MDGA2: variants seen among roughly 807,000 people sequenced by gnomAD.
MDGA2 encodes MAM domain containing glycosylphosphatidylinositol anchor 2, also known as MAM domain-containing glycosylphosphatidylinositol anchor protein 2.
MDGA2 carries 40 observed loss-of-function variants against 117.8 expected under a neutral mutation model. The ratio of observed to expected loss-of-function variants is 0.34; its 90% CI spans 0.26 to 0.44. The LOEUF (loss-of-function observed/expected upper bound fraction) is 0.44, where lower values mean the gene tolerates loss of function less well. MDGA2 is among the 20% of genes least tolerant of loss of function. MDGA2 has a pLI of 1.00. For missense variants in MDGA2, 1,123 were observed against 1,250.6 expected (o/e 0.90, Z 1.54); for synonymous variants, 452 against 439.0 (o/e 1.03, Z -0.37).
chr14:46,963,549 C>A (rs1026207751), intron 8 of MDGA2, among the ~76,000 whole-genome samples: 1 of 152,170 alleles, frequency 6.6e-6, no homozygotes, highest in Non-Finnish European at 1.5e-5. Flanking sequence ...CATGACAAGT[C>A]TTTTGTAGAC....
chr14:47,572,667 T>C (rs941774557), intron 1 of MDGA2, among the ~76,000 whole-genome samples: 2 of 152,142 alleles, frequency 1.3e-5, no homozygotes, highest in African/African-American at 4.8e-5. Context: ...AGGAACTCTC[T>C]ACCTCCAATG....
chr14:47,169,829 GA>G (rs1884044995), intron 3 of MDGA2, among the ~76,000 whole-genome samples: 1 of 151,850 alleles, frequency 6.6e-6, no homozygotes, highest in African/African-American at 2.4e-5. Flanking sequence ...AGATACTACT[GA>G]TTAAAGGTTT....
chr14:47,173,070 G>T (rs560961690), intron 3 of MDGA2, among the ~76,000 whole-genome samples: 1 of 152,096 alleles, frequency 6.6e-6, no homozygotes, highest in African/African-American at 2.4e-5. Flanking sequence ...TGAAATGAAT[G>T]AAATGAAGCG....
intron 2 of MDGA2, among the ~76,000 whole-genome samples, chr14:47,296,937 G>A (rs1889094460): frequency 6.6e-6 from 1 of 152,158 alleles, no homozygotes; most frequent in South Asian, 2.1e-4. Context: ...CCAGGCCACT[G>A]GTTCAAACTT....
chr14:46,883,881 C>A (rs1217117810), intron 10 of MDGA2, among the ~76,000 whole-genome samples: 1 of 151,858 alleles, frequency 6.6e-6, no homozygotes, highest in African/African-American at 2.4e-5. Flanking sequence ...CAAATACAGT[C>A]CTCTTTCTAT....
intron 1 of MDGA2, among the ~76,000 whole-genome samples, chr14:47,312,205 G>A (rs1889657357): frequency 6.6e-6 from 1 of 152,082 alleles, no homozygotes; most frequent in African/African-American, 2.4e-5. Context: ...ATTTGAGGAT[G>A]GAGTTCTGAA....
At chr14:47,604,460 G>A (rs1896703840) in intron 1 of MDGA2, among the ~76,000 whole-genome samples, 1 of 150,736 alleles carries the variant, frequency 6.6e-6, no homozygotes, top group Non-Finnish European at 1.5e-5. Flanking sequence ...GGAACTATAG[G>A]CGTGTTCCAC....
chr14:47,213,381 T>C (rs550172348), intron 3 of MDGA2, among the ~76,000 whole-genome samples: 1 of 152,336 alleles, frequency 6.6e-6, no homozygotes, highest in Non-Finnish European at 1.5e-5. Flanking sequence ...AGCTTCGTTT[T>C]TTTCCTAATG....
intron 2 of MDGA2, among the ~76,000 whole-genome samples, chr14:47,235,303 G>A (rs912506063): frequency 1.3e-5 from 2 of 152,026 alleles, no homozygotes; most frequent in Non-Finnish European, 2.9e-5. Flanking sequence ...AGTTTTGACT[G>A]GGAAGAAATT....
chr14:47,118,497 A>C (rs1386070517), intron 5 of MDGA2, among the ~76,000 whole-genome samples: 1 of 152,178 alleles, frequency 6.6e-6, no homozygotes, highest in Non-Finnish European at 1.5e-5. Flanking sequence ...TACAGCTTTC[A>C]AATTCTAGTT....
intron 2 of MDGA2, among the ~76,000 whole-genome samples, chr14:47,226,633 T>TC (rs907704851): frequency 2.0e-5 from 3 of 152,118 alleles, no homozygotes; most frequent in Non-Finnish European, 4.4e-5. Context: ...GGAGGGTACA[T>TC]CTTGGTGCAA....
intron 3 of MDGA2, among the ~76,000 whole-genome samples, chr14:47,145,848 T>C (rs1003269697): frequency 1.3e-5 from 2 of 152,158 alleles, no homozygotes; most frequent in Admixed American, 6.6e-5. Context: ...ACTATCATTA[T>C]TGGAGTCTCA....
At chr14:47,598,980 A>G (rs1566534385) in intron 1 of MDGA2, among the ~76,000 whole-genome samples, 1 of 152,132 alleles carries the variant, frequency 6.6e-6, no homozygotes. Flanking sequence ...TCTAGACACA[A>G]TACCTAGTGA....
At chr14:47,102,747 T>C (rs1011699156) in intron 5 of MDGA2, among the ~76,000 whole-genome samples, 13 of 152,172 alleles carry the variant, frequency 8.5e-5, no homozygotes, top group African/African-American at 1.4e-4. Flanking sequence ...CCCTCATTAA[T>C]TGGGAATTAT....
At chr14:46,932,797 A>G (rs1884629111) in intron 9 of MDGA2, among the ~76,000 whole-genome samples, 1 of 152,044 alleles carries the variant, frequency 6.6e-6, no homozygotes, top group South Asian at 2.1e-4. Flanking sequence ...CTTCATCCTT[A>G]CAACATTATG....
chr14:47,003,917 C>A (rs1243090753), intron 8 of MDGA2, among the ~76,000 whole-genome samples: 1 of 151,486 alleles, frequency 6.6e-6, no homozygotes, highest in Non-Finnish European at 1.5e-5. Flanking sequence ...AGATACAATG[C>A]CCAAAACAGA....
In MDGA2 at chr14:47,238,004, T is replaced by C. The variant is rs140350640; in HGVS notation, c.421-19809A>G. Among the ~76,000 whole-genome samples, 360 of 152,180 alleles carry C rather than the reference T, an allele frequency of 2.4e-3. 2 individuals carry two copies. Among genetic ancestry groups the C allele is most frequent in the African/African-American group, 8.4e-3 (347 of 41,530 alleles). On this transcript the variant is annotated intron_variant, in intron 2 of 16. Coordinates refer to ENST00000399232, the MANE Select transcript of MDGA2 (RefSeq NM_001113498.3). ...ACCAGGCCCTATATCCTTCCTCATA[T>C]CTTGTCACTCACCCCCAGTCACTGA...
rs60353423 is a variant in MDGA2, at chr14:47,346,368, T to C, written c.281-44818A>G. ...GTTAGTTGTAATCTGCTAGGCATCA[T>C]ATAATCTTGTGTCTGATTAAAAAAT... On this transcript the variant is annotated intron_variant, in intron 1 of 16. Coordinates refer to ENST00000399232, the MANE Select transcript of MDGA2 (RefSeq NM_001113498.3). Among the ~76,000 whole-genome samples, 32 of 152,294 alleles carry C rather than the reference T, an allele frequency of 2.1e-4. No individual in the cohort carries two copies. In the East Asian group the frequency reaches 3.3e-3, roughly 16 times the overall value.
intron 1 of MDGA2, among the ~76,000 whole-genome samples, chr14:47,339,274 A>G (rs1890550202): frequency 6.6e-6 from 1 of 152,176 alleles, no homozygotes; most frequent in Non-Finnish European, 1.5e-5. Flanking sequence ...TTTATTTGCA[A>G]TTACAAATAA....
Sources: allele counts gnomAD v4.1 joint callset (sites outside exome capture counted in the v4.1 genomes callset), GRCh38; gene constraint gnomAD v4.1.1; transcripts MANE v1.5; gene names NCBI Gene and HGNC (gene_info 2026-07-23, HGNC 2026-07-21).